The following SOS1 variants were observed in gnomAD, a reference collection of about 807,000 sequenced individuals.
The protein encoded by SOS1 is son of sevenless homolog 1.
SOS1 carries 25 observed loss-of-function variants against 157.6 expected under a neutral mutation model. The observed-to-expected ratio is 0.16, with a 90% confidence interval of 0.12 to 0.22. SOS1 has a LOEUF of 0.22. SOS1 is among the 10% of genes least tolerant of loss of function. The pLI is 1.00. For missense variants in SOS1, 1,237 were observed against 1,599.1 expected, an observed-to-expected ratio of 0.77 and a Z score of 3.86; for synonymous variants, 528 against 534.0, an observed-to-expected ratio of 0.99 and a Z score of 0.16.
intron 17 of SOS1, among the ~76,000 whole-genome samples, chr2:39,001,639 T>C (rs2124488879): frequency 6.6e-6 from 1 of 152,026 alleles, no homozygotes; most frequent in East Asian, 1.9e-4. Context: ...CTGGAAGGAG[T>C]TTCTATAAAC....
chr2:39,120,276 T>A (rs868206732), intron 1 of SOS1, 60 bp downstream of exon 1: 1 of 1,460,746 alleles, frequency 6.8e-7, no homozygotes, highest in South Asian at 1.2e-5. Flanking sequence ...TCCCCAGCCC[T>A]TCCCCAGCGC....
chr2:39,010,495 C>T, intron 15 of SOS1, 89 bp downstream of exon 15: 2 of 1,254,168 alleles, frequency 1.6e-6, no homozygotes, highest in Non-Finnish European at 2.3e-6. Context: ...GAGCAAAACT[C>T]CGTCTCAAAA....
chr2:39,055,436 A>G (rs1382693174), intron 4 of SOS1, among the ~76,000 whole-genome samples: 3 of 152,146 alleles, frequency 2.0e-5, no homozygotes, highest in South Asian at 2.1e-4. Flanking sequence ...TGTTTTATAT[A>G]TACTTATCTT....
Position 39,120,540 on chromosome 2 carries a change from C to A in SOS1, c.-118G>T. The A allele has an allele frequency of 9.2e-7, 1 of 1,084,928 alleles. No homozygotes were observed. The highest frequency in any genetic ancestry group is 1.1e-6 in the Non-Finnish European group (1 of 894,186). 67.2% of individuals were successfully genotyped at this position (1,084,928 alleles called of 1,614,324 possible). A position where few individuals can be genotyped will look rare whatever the true frequency, so the allele number is the denominator to read the frequency against. On this transcript the variant is annotated 5_prime_UTR_variant, in exon 1 of 23. Coordinates refer to ENST00000402219, the MANE Select transcript of SOS1 (RefSeq NM_005633.4). The stretch of plus-strand genomic sequence containing the variant: ...CGCGGCCCCACCGGACGGCCCGGCC[C>A]CCTCCGGGCGCCGCGCAGCCGGGCT...
intron 14 of SOS1, among the ~76,000 whole-genome samples, 192 bp from the exon 15 acceptor site, chr2:39,010,895 A>ACTTC (rs1553354137): frequency 4.9e-5 from 2 of 40,600 alleles, no homozygotes; most frequent in Admixed American, 6.3e-4. Context: ...TTTTTTTTAA[A>ACTTC]CTTTTTTTTT....
At chr2:39,028,201 G>A (rs1670032599) in intron 8 of SOS1, among the ~76,000 whole-genome samples, 1 of 152,100 alleles carries the variant, frequency 6.6e-6, no homozygotes, top group Admixed American at 6.5e-5. Context: ...TTTTACCAGT[G>A]ACGAATTTTT....
chr2:39,010,102 G>T (rs1669412712), intron 15 of SOS1, among the ~76,000 whole-genome samples: 1 of 152,110 alleles, frequency 6.6e-6, no homozygotes, highest in African/African-American at 2.4e-5. Context: ...GATCACTTGA[G>T]GTCAGGAGTT....
intron 22 of SOS1, among the ~76,000 whole-genome samples, 157 bp from the exon 23 acceptor site, chr2:38,986,472 ATTTT>A (rs958314779): frequency 2.0e-5 from 3 of 148,986 alleles, no homozygotes; most frequent in Non-Finnish European, 3.0e-5. Context: ...TTAAAAAAAA[ATTTT>A]TTTTTTTGAG....
intron 14 of SOS1, among the ~76,000 whole-genome samples, 178 bp from the exon 15 acceptor site, chr2:39,010,881 T>A (rs1478742886): frequency 6.9e-6 from 1 of 145,558 alleles, no homozygotes; most frequent in South Asian, 2.2e-4. Context: ...TATTTCCTTA[T>A]GGATTTTTTT....
chr2:39,093,775 C>T (rs1672673524), intron 1 of SOS1, among the ~76,000 whole-genome samples: 1 of 152,176 alleles, frequency 6.6e-6, no homozygotes, highest in African/African-American at 2.4e-5. Context: ...GAGTGGCAAT[C>T]ATGGAAAGCC....
intron 3 of SOS1, 50 bp downstream of exon 3, chr2:39,058,623 T>C (rs770992486): frequency 1.9e-6 from 3 of 1,580,048 alleles, no homozygotes; most frequent in Non-Finnish European, 1.7e-6. Context: ...ATAAAAATGG[T>C]GGGTTTTATT....
At chr2:39,037,290 G>A (rs1339697038) in intron 6 of SOS1, among the ~76,000 whole-genome samples, 1 of 152,230 alleles carries the variant, frequency 6.6e-6, no homozygotes, top group Non-Finnish European at 1.5e-5. Context: ...AAAATGTGAA[G>A]AGATGCTTAT....
rs2124520309 is a variant in SOS1 at position 39,014,862 on chromosome 2, A to G, written c.1859-16T>C. The G allele has an allele frequency of 1.5e-6, 2 of 1,306,758 alleles. No homozygotes were observed. Among genetic ancestry groups the G allele is most frequent in the Non-Finnish European group, 2.2e-6 (2 of 900,866 alleles). 80.9% of individuals were successfully genotyped at this position (1,306,758 alleles called of 1,614,324 possible). Reference sequence around the variant, plus strand: ...AAATTGGGATCTAAGAAGAAAAAGGAAAAATATCTTATTAAACTCTATGAT... The same window carrying G: ...AAATTGGGATCTAAGAAGAAAAAGGGAAAATATCTTATTAAACTCTATGAT... On this transcript the variant is annotated splice_polypyrimidine_tract_variant and intron_variant, in intron 10 of 22. Coordinates refer to ENST00000402219, the MANE Select transcript of SOS1 (RefSeq NM_005633.4).
At chr2:38,987,625 C>G in intron 21 of SOS1, 34 bp from the exon 22 acceptor site, 1 of 1,031,516 alleles carries the variant, frequency 9.7e-7, no homozygotes, top group Non-Finnish European at 1.5e-6. Flanking sequence ...AAAAAGTCCA[C>G]AGGAATTTTA....
At chr2:39,094,570 G>T (rs564066184) in intron 1 of SOS1, among the ~76,000 whole-genome samples, 6 of 152,038 alleles carry the variant, frequency 3.9e-5, no homozygotes, top group African/African-American at 1.2e-4. Context: ...GCTTGAACCC[G>T]GGAGGCTGGG....
upstream of SOS1, among the ~76,000 whole-genome samples, chr2:39,122,795 C>T (rs987976866): frequency 6.6e-6 from 1 of 151,870 alleles, no homozygotes; most frequent in African/African-American, 2.4e-5. Context: ...CCACCCGCCT[C>T]GGCCTCCCAA....
chr2:39,020,538 A>G (rs1336178641), intron 10 of SOS1, among the ~76,000 whole-genome samples: 1 of 151,764 alleles, frequency 6.6e-6, no homozygotes, highest in African/African-American at 2.4e-5. Flanking sequence ...CCTACTAACC[A>G]AATCACAAAT....
rs139818731 is a variant in SOS1 at position 39,025,481 on chromosome 2, C to T, written c.1075-1344G>A. ...TCTCCTGCCTCAGCCTCCCGAGTAG[C>T]TGCGATTACGGGTGTCTGTCACCAC... On this transcript the variant is annotated intron_variant, in intron 8 of 22. Coordinates refer to ENST00000402219, the MANE Select transcript of SOS1 (RefSeq NM_005633.4). Among the ~76,000 whole-genome samples the T allele has an allele frequency of 2.4e-3, 357 of 151,774 alleles. 5 individuals are homozygous for T. The highest frequency in any genetic ancestry group is 0.018 in the Admixed American group (271 of 15,238).
At chr2:39,014,262 T>A (rs1444035935) in intron 11 of SOS1, among the ~76,000 whole-genome samples, 2 of 152,098 alleles carry the variant, frequency 1.3e-5, no homozygotes, top group African/African-American at 4.8e-5. Flanking sequence ...AAAATAAATG[T>A]GACTATAAAG....
Sources: allele counts gnomAD v4.1 joint callset (sites outside exome capture counted in the v4.1 genomes callset), GRCh38; gene constraint gnomAD v4.1.1; transcripts MANE v1.5; gene names NCBI Gene and HGNC (gene_info 2026-07-23, HGNC 2026-07-21).